The following ST6GAL1 variants were observed in gnomAD, a reference collection of about 807,000 sequenced individuals.
ST6GAL1 encodes beta-galactoside alpha-2,6-sialyltransferase 1.
In ST6GAL1, 20 loss-of-function variants were observed where a neutral mutation model predicts 38.0. The observed-to-expected ratio is 0.53, with a 90% CI of 0.37 to 0.77. ST6GAL1 has a LOEUF of 0.77. ST6GAL1 is among the 30% of genes least tolerant of loss of function. ST6GAL1 has a pLI of 0.00. For missense variants in ST6GAL1, 432 were observed against 496.4 expected (o/e 0.87, Z 1.23); for synonymous variants, 196 against 188.2 (o/e 1.04, Z -0.34).
chr3:187,064,421 ATAGCT>A, intron 5 of ST6GAL1: 1 of 432,548 alleles, frequency 2.3e-6, no homozygotes, highest in Non-Finnish European at 4.7e-6. Context: ...GGGTTGCGAA[ATAGCT>A]CCCGTGGAAT....
intron 2 of ST6GAL1, among the ~76,000 whole-genome samples, chr3:187,030,121 T>C (rs1190498381): frequency 1.3e-5 from 2 of 152,136 alleles, no homozygotes; most frequent in African/African-American, 4.8e-5. Context: ...AAGTGGATAT[T>C]AATATCACAA....
chr3:186,967,248 G>A (rs755688547), intron 2 of ST6GAL1, among the ~76,000 whole-genome samples: 9 of 152,170 alleles, frequency 5.9e-5, no homozygotes, highest in Non-Finnish European at 1.2e-4. Context: ...CTGGAGTGCG[G>A]TGGCGCAATC....
At chr3:186,974,286 A>G (rs1560147505) in intron 2 of ST6GAL1, among the ~76,000 whole-genome samples, 3 of 152,044 alleles carry the variant, frequency 2.0e-5, no homozygotes, top group East Asian at 1.9e-4. Context: ...CCAACCATCC[A>G]CAGGTGCTGC....
intron 5 of ST6GAL1, among the ~76,000 whole-genome samples, chr3:187,071,756 C>CT (rs1292681463): frequency 9.4e-6 from 1 of 106,280 alleles, no homozygotes; most frequent in Non-Finnish European, 1.8e-5. Flanking sequence ...GCTGTGTCGC[C>CT]TTTTTTTGAG....
chr3:187,016,016 T>C (rs1466858186), intron 2 of ST6GAL1, among the ~76,000 whole-genome samples: 5 of 152,164 alleles, frequency 3.3e-5, no homozygotes, highest in Admixed American at 6.5e-5. Flanking sequence ...TGTGGTGAGA[T>C]TGAATGAGCT....
At chr3:187,068,100 T>C (rs1027380223) in intron 5 of ST6GAL1, among the ~76,000 whole-genome samples, 2 of 151,956 alleles carry the variant, frequency 1.3e-5, no homozygotes, top group African/African-American at 2.4e-5. Context: ...CCCAACACTT[T>C]GGGAGGCCGA....
At chr3:187,029,312 G>A (rs1228346533) in intron 2 of ST6GAL1, among the ~76,000 whole-genome samples, 2 of 152,070 alleles carry the variant, frequency 1.3e-5, no homozygotes, top group Non-Finnish European at 2.9e-5. Flanking sequence ...ATTAAACAAA[G>A]GGGTGAGGTT....
intron 1 of ST6GAL1, among the ~76,000 whole-genome samples, chr3:186,939,151 G>A (rs539915795): frequency 6.7e-6 from 1 of 150,296 alleles, no homozygotes; most frequent in Non-Finnish European, 1.5e-5. Context: ...ATGACTTGCT[G>A]CAGTCTCTGA....
At chr3:186,946,568 A>G (rs1358740813) in intron 1 of ST6GAL1, among the ~76,000 whole-genome samples, 2 of 152,062 alleles carry the variant, frequency 1.3e-5, no homozygotes, top group African/African-American at 2.4e-5. Context: ...GTGTAAAGCA[A>G]TCCCCATCTA....
chr3:187,038,517 G>A (rs1163211217), intron 2 of ST6GAL1: 1 of 152,226 alleles, frequency 6.6e-6, no homozygotes, highest in Non-Finnish European at 1.5e-5. Context: ...CCCGGCTAGT[G>A]TCAAGTCTAT....
At chr3:187,039,841 AAGGG>A (rs1238428970) in intron 3 of ST6GAL1, among the ~76,000 whole-genome samples, 1 of 152,224 alleles carries the variant, frequency 6.6e-6, no homozygotes, top group Non-Finnish European at 1.5e-5. Context: ...GGGTGGTGTC[AAGGG>A]ACCACATGAG....
chr3:186,931,456 A>G (rs963637375), intron 1 of ST6GAL1: 2 of 152,330 alleles, frequency 1.3e-5, no homozygotes. Flanking sequence ...ACAAGAAAGC[A>G]GCTACAAAAA....
Position 187,076,794 on chromosome 3 carries a change from C to A in ST6GAL1, c.*991C>A. 2.5e-6 allele frequency: 1 copy of A among 398,906 alleles called. No homozygotes were observed. The highest frequency in any genetic ancestry group is 1.3e-4 in the South Asian group (1 of 7,838). The allele number at this position is 398,906 out of a possible 1,614,324, so 24.7% of individuals were successfully genotyped here. Reference sequence around the variant, plus strand: ...GACTCAAGATATTTTTTTAGGAAACCTCCTACCCATGTCTGAGGTAGCAAG... The same window carrying A: ...GACTCAAGATATTTTTTTAGGAAACATCCTACCCATGTCTGAGGTAGCAAG... On this transcript the variant is annotated 3_prime_UTR_variant, in exon 8 of 8. Coordinates refer to ENST00000169298, the MANE Select transcript of ST6GAL1 (RefSeq NM_173216.2).
At chr3:187,002,775 G>A (rs1460586620) in intron 2 of ST6GAL1, among the ~76,000 whole-genome samples, 1 of 152,212 alleles carries the variant, frequency 6.6e-6, no homozygotes. Flanking sequence ...ATGTATGTGT[G>A]TGTGCATAAT....
chr3:186,984,331 G>T (rs1715790803), intron 2 of ST6GAL1, among the ~76,000 whole-genome samples: 1 of 152,090 alleles, frequency 6.6e-6, no homozygotes, highest in Non-Finnish European at 1.5e-5. Flanking sequence ...GAGCAATTCT[G>T]GCATATTAAG....
intron 2 of ST6GAL1, among the ~76,000 whole-genome samples, chr3:186,975,909 A>G (rs754283717): frequency 2.0e-5 from 3 of 152,200 alleles, no homozygotes; most frequent in Non-Finnish European, 4.4e-5. Flanking sequence ...CGGAGAAAGC[A>G]TTAGTTTACA....
At chr3:186,956,302 G>T (rs1165882637) in intron 1 of ST6GAL1, among the ~76,000 whole-genome samples, 1 of 152,106 alleles carries the variant, frequency 6.6e-6, no homozygotes, top group Non-Finnish European at 1.5e-5. Context: ...AACCCATTTG[G>T]TGGCAAAACC....
Position 187,076,919 on chromosome 3 carries a change from C to T in ST6GAL1, c.*1116C>T, listed in dbSNP as rs1719581525. 2.5e-6 allele frequency: 1 copy of T among 398,972 alleles called. No individual in the cohort carries two copies. The highest frequency in any genetic ancestry group is 4.4e-6 in the Non-Finnish European group (1 of 226,072). 24.7% of individuals were successfully genotyped at this position (398,972 alleles called of 1,614,324 possible). On this transcript the variant is annotated 3_prime_UTR_variant, in exon 8 of 8. Coordinates refer to ENST00000169298, the MANE Select transcript of ST6GAL1 (RefSeq NM_173216.2). ...CTGTCCTGTCAGCTGGGTTTACATA[C>T]CAGTCCCATTCTTCCTTTTCAATAC...
intron 2 of ST6GAL1, 76 bp downstream of exon 2, chr3:186,964,002 T>G (rs1384685633): frequency 1.3e-5 from 2 of 152,342 alleles, no homozygotes; most frequent in Non-Finnish European, 2.9e-5. Flanking sequence ...GCAGAGGGCC[T>G]TCTCAGGAAA....
Sources: gnomAD v4.1 joint callset for allele counts (sites outside exome capture counted in the v4.1 genomes callset) on GRCh38, gnomAD v4.1.1 for gene constraint, MANE v1.5 for transcripts, NCBI Gene and HGNC (gene_info 2026-07-23, HGNC 2026-07-21) for gene names.